The following DAAM2 variants were observed in gnomAD, a reference collection of about 807,000 sequenced individuals.
The protein encoded by DAAM2 is disheveled-associated activator of morphogenesis 2.
Under a neutral mutation model 120.7 loss-of-function variants are expected in DAAM2, and 39 were observed. The observed-to-expected ratio is 0.32, with a 90% CI of 0.25 to 0.42. The LOEUF (loss-of-function observed/expected upper bound fraction) is 0.42, where lower values mean the gene tolerates loss of function less well. DAAM2 is among the 10% of genes least tolerant of loss of function. The probability of loss-of-function intolerance (pLI) is 1.00; values close to 1 mark genes in which losing one functional copy is unlikely to be tolerated. For missense variants in DAAM2, 1,283 were observed against 1,401.7 expected (o/e 0.92, Z 1.35); for synonymous variants, 488 against 524.9 (o/e 0.93, Z 0.96).
chr6:39,836,991 C>A (rs1309915554), intron 1 of DAAM2, among the ~76,000 whole-genome samples: 1 of 152,182 alleles, frequency 6.6e-6, no homozygotes, highest in African/African-American at 2.4e-5. Context: ...CCTGGGGGAA[C>A]TTTTACAAAA....
intron 1 of DAAM2, among the ~76,000 whole-genome samples, chr6:39,794,968 G>A (rs1181772974): frequency 6.6e-6 from 1 of 152,188 alleles, no homozygotes; most frequent in Admixed American, 6.5e-5. Flanking sequence ...CAGGTGAGGG[G>A]CAAGAACTGG....
intron 1 of DAAM2, among the ~76,000 whole-genome samples, chr6:39,846,140 G>A (rs1582665171): frequency 6.6e-6 from 1 of 152,114 alleles, no homozygotes; most frequent in Non-Finnish European, 1.5e-5. Flanking sequence ...AAGGACAAAA[G>A]GGACTCTGAG....
intron 1 of DAAM2, among the ~76,000 whole-genome samples, chr6:39,816,413 G>T (rs57049399): frequency 0.032 from 4,798 of 151,842 alleles, 141 homozygotes; most frequent in South Asian, 0.16. Context: ...TCTTGGTTGT[G>T]GGGGGGCTAT....
rs1764489549 is a variant in DAAM2 at position 39,867,725 on chromosome 6, C to T, written c.644C>T (p.Thr215Ile). ...AGCCTACGCACAGAGAACAGCAAGA[C>T]CAAGGTGGCTGTGCTGGAGATCCTG... ...AQSLRTENSK[T>I]KVAVLEILGA... Residue 215 changes from threonine to isoleucine, a missense_variant, in exon 6 of 25, where the codon ACC becomes ATC. Transcript: ENST00000274867. 3 of 1,613,920 alleles carry T rather than the reference C, an allele frequency of 1.9e-6. No homozygotes were observed. The highest frequency in any genetic ancestry group is 1.7e-5 in the Admixed American group (1 of 60,006).
At chr6:39,888,344 T>G in intron 16 of DAAM2, 1 of 172,770 alleles carries the variant, frequency 5.8e-6, no homozygotes, top group Non-Finnish European at 1.2e-5. Context: ...TTTTTAAGCA[T>G]GAGGAGGAGG....
intron 14 of DAAM2, chr6:39,882,446 C>T (rs951311095): frequency 1.3e-5 from 2 of 152,032 alleles, no homozygotes; most frequent in Non-Finnish European, 2.9e-5. Context: ...TTCTTCTCAC[C>T]CCAGCCTCAC....
At chr6:39,842,700 A>T (rs1457331854) in intron 1 of DAAM2, among the ~76,000 whole-genome samples, 1 of 152,188 alleles carries the variant, frequency 6.6e-6, no homozygotes, top group Non-Finnish European at 1.5e-5. Flanking sequence ...GTAATGAAGT[A>T]TATAATGAAG....
At position 39,891,446 on chromosome 6, in the gene DAAM2, A is replaced by C. The variant is rs1386889297; in HGVS notation, c.2251A>C (p.Arg751=). The C allele has an allele frequency of 6.2e-7, 1 of 1,603,686 alleles. No homozygotes were observed. The highest frequency in any genetic ancestry group is 8.5e-7 in the Non-Finnish European group (1 of 1,174,578). The change falls in exon 18 of 25, where the codon AGG becomes CGG. Residue 751 remains arginine (R), a splice_region_variant and synonymous_variant. Coordinates refer to ENST00000274867, the MANE Select transcript of DAAM2 (RefSeq NM_001201427.2). ...RADRFLYEMS[R]IDHYQQRLQA... ...TGACCGCTTCCTCTATGAAATGAGC[A>C]GGTTGGGCCATGGGCATGGTGGGGA...
chr6:39,900,337 TC>T (rs1398391009), intron 23 of DAAM2, 129 bp downstream of exon 23: 4 of 1,080,752 alleles, frequency 3.7e-6, no homozygotes, highest in Non-Finnish European at 5.2e-6. Context: ...GAAAACCGTT[TC>T]TTCGCTCTTA....
intron 11 of DAAM2, among the ~76,000 whole-genome samples, chr6:39,877,151 C>A (rs1203763542): frequency 6.6e-6 from 1 of 152,194 alleles, no homozygotes; most frequent in Non-Finnish European, 1.5e-5. Flanking sequence ...CCACTTTTCG[C>A]TCAGGTGGAA....
At chr6:39,886,717 A>G (rs1156374843) in intron 15 of DAAM2, 3 of 363,660 alleles carry the variant, frequency 8.2e-6, no homozygotes, top group African/African-American at 2.1e-5. Flanking sequence ...ACCAGGCCAA[A>G]GGAGAGCCTT....
Position 39,878,318 on chromosome 6 carries a change from C to T in DAAM2, c.1360+57C>T, listed in dbSNP as rs1165133406. ...TCCACATGCCCTTCCCCTGCCCAGCCCATAACTCCATGCCCTTCCAGGCAG... is the reference window on the plus strand; with the variant it reads ...TCCACATGCCCTTCCCCTGCCCAGCTCATAACTCCATGCCCTTCCAGGCAG... On this transcript the variant is annotated intron_variant, in intron 12 of 24. Coordinates refer to ENST00000274867, the MANE Select transcript of DAAM2 (RefSeq NM_001201427.2). The surrounding 1 kb of genome is among the most constrained non-coding windows in gnomAD (Gnocchi z 5.0). 6.2e-6 allele frequency: 10 copies of T among 1,611,508 alleles called. No individual in the cohort carries two copies. The highest frequency in any genetic ancestry group is 8.5e-6 in the Non-Finnish European group (10 of 1,178,288).
At chr6:39,826,834 G>A (rs538317201) in intron 1 of DAAM2, among the ~76,000 whole-genome samples, 5 of 152,098 alleles carry the variant, frequency 3.3e-5, no homozygotes, top group Admixed American at 6.5e-5. Flanking sequence ...TGACTGTCAG[G>A]AGCACCTTCT....
chr6:39,847,418 G>T (rs1451099344), intron 1 of DAAM2, among the ~76,000 whole-genome samples: 2 of 152,256 alleles, frequency 1.3e-5, no homozygotes, highest in African/African-American at 4.8e-5. Context: ...CGGAGGAGGG[G>T]CTTGGCTTCT....
At position 39,904,404 on chromosome 6, in the gene DAAM2, G is replaced by T. The variant is rs182121961; in HGVS notation, c.*2367G>T. ...AGTAAGAAGGGGCTGGTGCCCAGTC[G>T]GGGTGGCTGAGCTGGTCCTTAATAG... On this transcript the variant is annotated 3_prime_UTR_variant, in exon 25 of 25. Coordinates refer to ENST00000274867, the MANE Select transcript of DAAM2 (RefSeq NM_001201427.2). 2 of 455,736 alleles carry T rather than the reference G, an allele frequency of 4.4e-6. No homozygotes were observed. The highest frequency in any genetic ancestry group is 8.8e-6 in the Non-Finnish European group (2 of 226,972). The allele number at this position is 455,736 out of a possible 1,614,324, so 28.2% of individuals were successfully genotyped here.
At chr6:39,869,574 G>A (rs1199003408) in intron 7 of DAAM2, among the ~76,000 whole-genome samples, 1 of 151,966 alleles carries the variant, frequency 6.6e-6, no homozygotes, top group Non-Finnish European at 1.5e-5. Context: ...TAGGGGACAA[G>A]AGCAAAACTC....
chr6:39,898,998 C>A, intron 22 of DAAM2, 61 bp downstream of exon 22: 1 of 1,398,004 alleles, frequency 7.2e-7, no homozygotes, highest in Non-Finnish European at 1.0e-6. Context: ...CTGTTCGTCA[C>A]TGCACCCTAA....
intron 1 of DAAM2, among the ~76,000 whole-genome samples, chr6:39,839,593 G>C (rs1295244806): frequency 6.6e-6 from 1 of 152,228 alleles, no homozygotes. Flanking sequence ...CCAGAAGAAA[G>C]GGGTCAGCCT....
At chr6:39,808,961 G>A (rs1762087787) in intron 1 of DAAM2, among the ~76,000 whole-genome samples, 1 of 152,214 alleles carries the variant, frequency 6.6e-6, no homozygotes, top group Non-Finnish European at 1.5e-5. Context: ...CTAAGAATGT[G>A]TATTGTTGTC....
Sources: gnomAD v4.1 joint callset for allele counts (sites outside exome capture counted in the v4.1 genomes callset) on GRCh38, gnomAD v4.1.1 for gene constraint, Gnocchi (gnomAD v3.1) non-coding constraint, MANE v1.5 for transcripts, NCBI Gene and HGNC (gene_info 2026-07-23, HGNC 2026-07-21) for gene names.